The following SNRPN variants were observed in gnomAD, a reference collection of about 807,000 sequenced individuals.
The protein encoded by SNRPN is small nuclear ribonucleoprotein polypeptide N, also known as small nuclear ribonucleoprotein-associated protein N.
Under a neutral mutation model 25.2 loss-of-function variants are expected in SNRPN, and 7 were observed. That is an observed-to-expected ratio of 0.28 (90% confidence interval 0.16 to 0.52). The LOEUF is 0.52. Among genes scored for constraint, SNRPN ranks in the 20% least tolerant of loss-of-function variants. The pLI is 0.96. For synonymous variants in SNRPN, 124 were observed against 110.6 expected, an observed-to-expected ratio of 1.12 and a Z score of -0.76; for missense variants, 196 against 322.5, an observed-to-expected ratio of 0.61 and a Z score of 3.00.
intron 1 of SNRPN, among the ~76,000 whole-genome samples, chr15:24,874,082 T>G (rs1345803950): frequency 4.6e-5 from 7 of 150,944 alleles, no homozygotes; most frequent in Non-Finnish European, 8.8e-5. Flanking sequence ...AGGCCAAGGC[T>G]GGCAGATCAC....
chr15:24,966,387 C>T (rs1038023225), intron 2 of SNRPN, among the ~76,000 whole-genome samples: 1 of 152,080 alleles, frequency 6.6e-6, no homozygotes, highest in African/African-American at 2.4e-5. Flanking sequence ...TGCACATTAG[C>T]GTATATCACC....
chr15:24,959,585 A>G (rs2074432857), intron 1 of SNRPN, among the ~76,000 whole-genome samples: 1 of 152,228 alleles, frequency 6.6e-6, no homozygotes, highest in Non-Finnish European at 1.5e-5. Flanking sequence ...TTGGTAAGAC[A>G]GTGTTTGCAG....
At chr15:24,910,979 A>G (rs2059181474) in intron 2 of SNRPN, 2 of 1,088,472 alleles carry the variant, frequency 1.8e-6, no homozygotes, top group East Asian at 2.4e-5. Context: ...CTGTTGGCAC[A>G]TGGCTAAAGA....
At chr15:24,838,046 T>A (rs984370344) in intron 2 of SNRPN, among the ~76,000 whole-genome samples, 4 of 147,770 alleles carry the variant, frequency 2.7e-5, no homozygotes, top group Non-Finnish European at 6.0e-5. Flanking sequence ...TTTATTTTTT[T>A]TTTTTTGAGA....
intron 1 of SNRPN, among the ~76,000 whole-genome samples, chr15:24,881,338 C>T (rs2056571863): frequency 6.7e-6 from 1 of 149,558 alleles, no homozygotes. Context: ...GCCTGGCCAA[C>T]ATGGTGAAAC....
intron 2 of SNRPN, among the ~76,000 whole-genome samples, chr15:24,914,120 TGTCTTCG>T (rs1413033959): frequency 1.3e-5 from 2 of 152,180 alleles, no homozygotes; most frequent in African/African-American, 4.8e-5. Context: ...GGGTACCTTT[TGTCTTCG>T]CAACTCTATA....
intron 2 of SNRPN, among the ~76,000 whole-genome samples, chr15:24,965,311 G>A (rs1262028571): frequency 2.0e-5 from 3 of 152,114 alleles, no homozygotes; most frequent in Non-Finnish European, 2.9e-5. Context: ...GCGAAGGTGG[G>A]CAGATCACCT....
intron 1 of SNRPN, among the ~76,000 whole-genome samples, chr15:24,868,317 G>A (rs1045416305): frequency 1.3e-5 from 2 of 152,138 alleles, no homozygotes; most frequent in Admixed American, 6.5e-5. Context: ...TTTAGGGACT[G>A]GCTATTGGAT....
intron 3 of SNRPN, among the ~76,000 whole-genome samples, chr15:24,927,419 G>GCCT (rs2060457190): frequency 1.4e-5 from 2 of 147,036 alleles, no homozygotes; most frequent in Middle Eastern, 3.7e-3. Context: ...ACCAAGCCTG[G>GCCT]CCTCCTTTCC....
chr15:24,891,191 G>A (rs1178258806), intron 2 of SNRPN, among the ~76,000 whole-genome samples: 1 of 111,998 alleles, frequency 8.9e-6, no homozygotes, highest in African/African-American at 4.0e-5. Flanking sequence ...GAATACAGTT[G>A]TGTAATGGTA....
chr15:24,973,011 C>T (rs1031856867), intron 3 of SNRPN, among the ~76,000 whole-genome samples: 3 of 151,884 alleles, frequency 2.0e-5, no homozygotes, highest in African/African-American at 7.3e-5. Flanking sequence ...CCTCAGCCTC[C>T]TGAGTAGCTG....
At position 24,975,350 on chromosome 15, in the gene SNRPN, G is replaced by T. The variant is rs1209551201; in HGVS notation, c.4-8G>T. 3 of 1,611,588 alleles carry T rather than the reference G, an allele frequency of 1.9e-6. No homozygotes were observed. Among genetic ancestry groups the T allele is most frequent in the Non-Finnish European group, 2.5e-6 (3 of 1,178,314 alleles). ...AGCTGAACATGACTCTTGTCTTACT[G>T]CTTCTAGACTGTTGGCAAGAGTAGC... On this transcript the variant is annotated splice_region_variant and splice_polypyrimidine_tract_variant and intron_variant, in intron 4 of 9. Coordinates refer to ENST00000390687, the MANE Select transcript of SNRPN (RefSeq NM_003097.6).
At chr15:24,905,770 T>C (rs2058760203) in intron 2 of SNRPN, among the ~76,000 whole-genome samples, 1 of 152,166 alleles carries the variant, frequency 6.6e-6, no homozygotes, top group Non-Finnish European at 1.5e-5. Flanking sequence ...CCAGTCAAGA[T>C]TGTTTAGACT....
At chr15:24,875,350 A>G (rs2055749837) in intron 1 of SNRPN, among the ~76,000 whole-genome samples, 2 of 152,216 alleles carry the variant, frequency 1.3e-5, no homozygotes, top group Non-Finnish European at 2.9e-5. Flanking sequence ...CTATGTTAGA[A>G]TATCTTTTCT....
chr15:24,955,923 G>A (rs980576017), intron 1 of SNRPN, among the ~76,000 whole-genome samples: 8 of 151,984 alleles, frequency 5.3e-5, no homozygotes, highest in African/African-American at 1.9e-4. Context: ...TGATTGCTGT[G>A]TAGAGGAGGG....
chr15:24,861,758 G>T (rs2054005676), intron 1 of SNRPN, among the ~76,000 whole-genome samples: 1 of 102,144 alleles, frequency 9.8e-6, no homozygotes, highest in South Asian at 2.6e-4. Context: ...AAACACATAA[G>T]AGTCGATTTA....
chr15:24,827,515 C>CAAAAAAAA (rs58393593), intron 1 of SNRPN, among the ~76,000 whole-genome samples: 1 of 96,770 alleles, frequency 1.0e-5, no homozygotes, highest in East Asian at 3.1e-4. Context: ...GACTCTGTCT[C>CAAAAAAAA]AAAAAAAAAA....
At chr15:24,902,158 G>A (rs8037745) in intron 2 of SNRPN, among the ~76,000 whole-genome samples, 102,803 of 152,066 alleles carry the variant, frequency 0.68, 35,357 homozygotes, top group East Asian at 0.86. Flanking sequence ...TGTTGCATGT[G>A]GTAGATGGAG....
chr15:24,942,615 T>G (rs1159206265), intron 3 of SNRPN, among the ~76,000 whole-genome samples: 4 of 152,204 alleles, frequency 2.6e-5, no homozygotes, highest in African/African-American at 4.8e-5. Flanking sequence ...ACAGAAGCAT[T>G]GCATGCAGTG....
Sources: gnomAD v4.1 joint callset for allele counts (sites outside exome capture counted in the v4.1 genomes callset) on GRCh38, gnomAD v4.1.1 for gene constraint, MANE v1.5 for transcripts, NCBI Gene and HGNC (gene_info 2026-07-23, HGNC 2026-07-21) for gene names.